XYLT1: variants seen among roughly 807,000 people sequenced by gnomAD.
The protein encoded by XYLT1 is beta-D-xylosyltransferase 1.
A neutral mutation model predicts 91.3 loss-of-function variants in XYLT1; 36 were observed. The ratio of observed to expected loss-of-function variants is 0.39; its 90% CI spans 0.30 to 0.52. XYLT1 has a LOEUF of 0.52. Among genes scored for constraint, XYLT1 ranks in the 20% least tolerant of loss-of-function variants. The probability of loss-of-function intolerance (pLI) is 0.68; values close to 1 mark genes in which losing one functional copy is unlikely to be tolerated. For synonymous variants in XYLT1, 588 were observed against 532.0 expected (o/e 1.11, Z -1.45); for missense variants, 1,242 against 1,284.5 (o/e 0.97, Z 0.51).
chr16:17,140,235 A>C (rs1290534072), intron 7 of XYLT1, among the ~76,000 whole-genome samples: 1 of 152,206 alleles, frequency 6.6e-6, no homozygotes, highest in Admixed American at 6.6e-5. Flanking sequence ...CTCTGGATTA[A>C]TGGAGTATGA....
intron 10 of XYLT1, among the ~76,000 whole-genome samples, chr16:17,118,516 G>C (rs2029935143): frequency 6.6e-6 from 1 of 152,062 alleles, no homozygotes; most frequent in South Asian, 2.1e-4. Context: ...GGTTCAAATA[G>C]GTTTCCTAGG....
intron 5 of XYLT1, among the ~76,000 whole-genome samples, chr16:17,164,653 C>A (rs1356721023): frequency 6.6e-6 from 1 of 152,226 alleles, no homozygotes; most frequent in Non-Finnish European, 1.5e-5. Flanking sequence ...ACTTATTTAA[C>A]TAGCACCATG....
At chr16:17,282,918 C>T (rs1489255244) in intron 2 of XYLT1, among the ~76,000 whole-genome samples, 1 of 152,130 alleles carries the variant, frequency 6.6e-6, no homozygotes, top group East Asian at 1.9e-4. Flanking sequence ...CTATTGCTAA[C>T]CCCATTTCAC....
At chr16:17,165,165 C>T (rs943884598) in intron 5 of XYLT1, among the ~76,000 whole-genome samples, 1 of 152,224 alleles carries the variant, frequency 6.6e-6, no homozygotes, top group Non-Finnish European at 1.5e-5. Flanking sequence ...ACATCATCAT[C>T]ATCTAACACT....
chr16:17,138,108 A>AAAATGGAATAATAAT (rs1475028469), intron 8 of XYLT1: 15 of 444,072 alleles, frequency 3.4e-5, no homozygotes, highest in Non-Finnish European at 5.2e-5. Flanking sequence ...TCATATCCCT[A>AAAATGGAATAATAAT]AAATGGAATA....
intron 2 of XYLT1, among the ~76,000 whole-genome samples, chr16:17,269,765 C>T (rs185515691): frequency 1.5e-4 from 23 of 150,652 alleles, no homozygotes; most frequent in African/African-American, 4.4e-4. Flanking sequence ...ATCTCCCTTC[C>T]CTCCCTCCCA....
intron 1 of XYLT1, among the ~76,000 whole-genome samples, chr16:17,378,794 T>C (rs1030978596): frequency 2.0e-5 from 3 of 152,194 alleles, no homozygotes; most frequent in African/African-American, 7.2e-5. Context: ...GAGCTGGGGT[T>C]AGAACCTAGG....
chr16:17,357,003 C>CGT (rs1409321479), intron 2 of XYLT1, among the ~76,000 whole-genome samples: 2 of 151,556 alleles, frequency 1.3e-5, no homozygotes, highest in African/African-American at 4.8e-5. Context: ...GGTGAAACCT[C>CGT]GTCTCTAGAA....
At chr16:17,226,756 C>T (rs1410436515) in intron 3 of XYLT1, among the ~76,000 whole-genome samples, 1 of 152,188 alleles carries the variant, frequency 6.6e-6, no homozygotes, top group Non-Finnish European at 1.5e-5. Context: ...GTACTCCAGC[C>T]TGGATGACAG....
intron 5 of XYLT1, among the ~76,000 whole-genome samples, chr16:17,165,282 G>A (rs1203541459): frequency 6.6e-6 from 1 of 152,090 alleles, no homozygotes; most frequent in East Asian, 1.9e-4. Flanking sequence ...TTATATAAAC[G>A]GGAACATGTA....
rs1157645556 is a variant in XYLT1 at position 17,106,778 on chromosome 16, G to C, written c.*1917C>G. 6.6e-6 allele frequency: 1 copy of C among 152,048 alleles called. No homozygotes were observed. The highest frequency in any genetic ancestry group is 1.5e-5 in the Non-Finnish European group (1 of 68,032). The allele number at this position is 152,048 out of a possible 1,614,324, so 9.4% of individuals were successfully genotyped here. A position where few individuals can be genotyped will look rare whatever the true frequency, so the allele number is the denominator to read the frequency against. On this transcript the variant is annotated 3_prime_UTR_variant, in exon 12 of 12. Transcript: ENST00000261381. ...AGGCTCAGGAATTCCAATACTCTTG[G>C]AATCCGAGGGAGAGTGAGGCTGACA...
chr16:17,456,281 C>T (rs138174341), intron 1 of XYLT1, among the ~76,000 whole-genome samples: 218 of 151,394 alleles, frequency 1.4e-3, no homozygotes, highest in African/African-American at 5.2e-3. Context: ...TCAGTTCACT[C>T]ACTGCTAGGT....
At chr16:17,225,579 G>A (rs888082452) in intron 3 of XYLT1, among the ~76,000 whole-genome samples, 1 of 151,268 alleles carries the variant, frequency 6.6e-6, no homozygotes, top group Non-Finnish European at 1.5e-5. Context: ...TTCAGGAATG[G>A]TTTTGCACAT....
intron 2 of XYLT1, among the ~76,000 whole-genome samples, chr16:17,260,872 C>A (rs2141759965): frequency 6.6e-6 from 1 of 152,320 alleles, no homozygotes; most frequent in East Asian, 1.9e-4. Context: ...AGGCCTCCTC[C>A]TCTGGGACTG....
At chr16:17,246,359 G>A (rs573109834) in intron 3 of XYLT1, among the ~76,000 whole-genome samples, 1 of 152,308 alleles carries the variant, frequency 6.6e-6, no homozygotes, top group East Asian at 1.9e-4. Context: ...CAGAGATGGA[G>A]AGTAACAAGT....
chr16:17,205,766 G>A (rs1457353032), intron 3 of XYLT1, among the ~76,000 whole-genome samples: 2 of 152,154 alleles, frequency 1.3e-5, no homozygotes, highest in Non-Finnish European at 2.9e-5. Flanking sequence ...TCCCTCTGCA[G>A]CGTATGCCCA....
At chr16:17,261,814 A>G (rs556788212) in intron 2 of XYLT1, among the ~76,000 whole-genome samples, 131 of 152,276 alleles carry the variant, frequency 8.6e-4, no homozygotes, top group African/African-American at 2.9e-3. Context: ...ACAGCTGACC[A>G]GTCCATATTG....
chr16:17,293,321 C>T (rs749611156), intron 2 of XYLT1, among the ~76,000 whole-genome samples: 2 of 152,028 alleles, frequency 1.3e-5, no homozygotes, highest in Non-Finnish European at 2.9e-5. Flanking sequence ...ATTTTCATTC[C>T]GCTGACCTGG....
chr16:17,121,674 T>C (rs553291204), intron 10 of XYLT1, among the ~76,000 whole-genome samples: 1 of 152,292 alleles, frequency 6.6e-6, no homozygotes, highest in East Asian at 1.9e-4. Context: ...GAGATTTTGG[T>C]GCACCCATCA....
Sources: gnomAD v4.1 joint callset for allele counts (sites outside exome capture counted in the v4.1 genomes callset) on GRCh38, gnomAD v4.1.1 for gene constraint, MANE v1.5 for transcripts, NCBI Gene and HGNC (gene_info 2026-07-23, HGNC 2026-07-21) for gene names.